CACNA1C: variants seen among roughly 807,000 people sequenced by gnomAD.
CACNA1C encodes the protein calcium voltage-gated channel subunit alpha1 C, also known as voltage-dependent L-type calcium channel subunit alpha-1C.
CACNA1C carries 30 observed loss-of-function variants against 229.0 expected under a neutral mutation model. That is an observed-to-expected ratio of 0.13 (90% CI 0.10 to 0.18). The LOEUF (loss-of-function observed/expected upper bound fraction) is 0.18. Among genes scored for constraint, CACNA1C ranks in the 10% least tolerant of loss-of-function variants. The probability of loss-of-function intolerance (pLI) is 1.00; values close to 1 mark genes in which losing one functional copy is unlikely to be tolerated. For synonymous variants in CACNA1C, 1,114 were observed against 1,132.5 expected, an observed-to-expected ratio of 0.98 and a Z score of 0.33; for missense variants, 1,658 against 2,845.0, an observed-to-expected ratio of 0.58 and a Z score of 9.49.
chr12:2,290,519 A>G (rs1031905311), intron 3 of CACNA1C, among the ~76,000 whole-genome samples: 2 of 152,172 alleles, frequency 1.3e-5, no homozygotes, highest in African/African-American at 4.8e-5. Flanking sequence ...GGAGAAAGAA[A>G]TGATCTGTGA....
intron 3 of CACNA1C, among the ~76,000 whole-genome samples, chr12:2,284,453 G>C (rs2092276877): frequency 6.6e-6 from 1 of 152,212 alleles, no homozygotes; most frequent in African/African-American, 2.4e-5. Context: ...GAGGGGCTGG[G>C]GGAGGAGGGT....
chr12:2,545,707 C>T (rs1228249270), intron 9 of CACNA1C, among the ~76,000 whole-genome samples: 2 of 152,062 alleles, frequency 1.3e-5, no homozygotes, highest in Admixed American at 1.3e-4. Context: ...ATTTCAATAC[C>T]AAATGGCAAA....
At chr12:2,664,019 C>T (rs996027479) in intron 34 of CACNA1C, among the ~76,000 whole-genome samples, 1 of 152,126 alleles carries the variant, frequency 6.6e-6, no homozygotes, top group Non-Finnish European at 1.5e-5. Flanking sequence ...GGATTACAGG[C>T]GTGAGCCACC....
intron 3 of CACNA1C, among the ~76,000 whole-genome samples, chr12:2,305,890 G>A (rs2094968293): frequency 6.6e-6 from 1 of 152,188 alleles, no homozygotes; most frequent in African/African-American, 2.4e-5. Context: ...GTGATATAAG[G>A]TTTGTAATAG....
In CACNA1C at chr12:2,493,282, G is replaced by C. The variant is rs2154571840; in HGVS notation, c.1009G>C (p.Asp337His). ...CGGCACGGTGTGCAAGCCCGGCTGG[G>C]ATGGTCCCAAGCACGGCATCACCAA... ...QNGTVCKPGW[D>H]GPKHGITNFD... Residue 337 changes from aspartate to histidine, a missense_variant, in exon 7 of 47, where the codon GAT becomes CAT. Physicochemically the swap from Asp to His is moderately conservative, Grantham distance 81. Coordinates refer to ENST00000399655, the MANE Select transcript of CACNA1C (RefSeq NM_000719.7). This position sits in a 1 kb window ranked among gnomAD's most constrained non-coding sequence, Gnocchi z 4.6. The C allele has an allele frequency of 6.2e-7, 1 of 1,614,072 alleles. No homozygotes were observed.
chr12:2,107,795 T>G (rs1468077862), intron 1 of CACNA1C, among the ~76,000 whole-genome samples: 2 of 152,244 alleles, frequency 1.3e-5, no homozygotes, highest in East Asian at 3.8e-4. Context: ...CATTCGCTAT[T>G]GCCTTTTTAA....
In CACNA1C at chr12:2,402,943, G is replaced by A. The variant is rs541383066; in HGVS notation, c.478-46033G>A. The stretch of plus-strand genomic sequence containing the variant: ...TCCTACCTATTTGACCCTCTGCTAT[G>A]AGCAAGGTTATTTGCTTTGTTTTGC... On this transcript the variant is annotated intron_variant, in intron 3 of 46. Coordinates refer to ENST00000399655, the MANE Select transcript of CACNA1C (RefSeq NM_000719.7). Among the ~76,000 whole-genome samples, 8 of 152,322 alleles carry A rather than the reference G, an allele frequency of 5.3e-5. No homozygotes were observed. The East Asian group carries it at 1.3e-3, about 26-fold the overall frequency.
intron 3 of CACNA1C, among the ~76,000 whole-genome samples, chr12:2,135,033 C>A (rs2093109448): frequency 1.4e-5 from 2 of 142,946 alleles, no homozygotes; most frequent in Admixed American, 7.1e-5. Flanking sequence ...TCTAAACTTC[C>A]CTTCTCACTT....
chr12:2,375,712 T>G (rs2098034735), intron 3 of CACNA1C, among the ~76,000 whole-genome samples: 1 of 152,234 alleles, frequency 6.6e-6, no homozygotes, highest in African/African-American at 2.4e-5. Flanking sequence ...AGTCCTTGTC[T>G]TAGTATATGT....
At chr12:2,515,390 T>C (rs1326535983) in intron 9 of CACNA1C, among the ~76,000 whole-genome samples, 1 of 152,222 alleles carries the variant, frequency 6.6e-6, no homozygotes, top group Non-Finnish European at 1.5e-5. Flanking sequence ...AGAAACTATC[T>C]TCCTGTCTTG....
chr12:2,580,610 C>T (rs1480004070), intron 13 of CACNA1C, among the ~76,000 whole-genome samples: 1 of 152,186 alleles, frequency 6.6e-6, no homozygotes, highest in African/African-American at 2.4e-5. Flanking sequence ...ACACAGGTGC[C>T]CACCCTGCAT....
At chr12:2,132,373 G>C (rs1596711551) in intron 3 of CACNA1C, among the ~76,000 whole-genome samples, 1 of 23,576 alleles carries the variant, frequency 4.2e-5, no homozygotes, top group African/African-American at 2.7e-4. Flanking sequence ...GGGCATCCCT[G>C]TCTTGTGCCA....
chr12:2,596,217 G>T lies in CACNA1C; in HGVS notation c.2793+214G>T, dbSNP rs571120334. The T allele has an allele frequency of 2.0e-5, 9 of 455,330 alleles. 1 individual carries two copies. Among genetic ancestry groups the T allele is most frequent in the African/African-American group, 1.4e-4 (7 of 49,994 alleles). The allele number at this position is 455,330 out of a possible 1,614,324, so 28.2% of individuals were successfully genotyped here. ...GAGCATGTACCCAAATGCTCAGGCTGGTTTGATAATTGGCAAAGATCAGGA... is the reference window on the plus strand; with the variant it reads ...GAGCATGTACCCAAATGCTCAGGCTTGTTTGATAATTGGCAAAGATCAGGA... On this transcript the variant is annotated intron_variant, in intron 20 of 46. Transcript: ENST00000399655.
chr12:2,292,868 C>T (rs1273245034), intron 3 of CACNA1C, among the ~76,000 whole-genome samples: 1 of 151,954 alleles, frequency 6.6e-6, no homozygotes, highest in Non-Finnish European at 1.5e-5. Flanking sequence ...CACTGGAGTG[C>T]TGGTGGGAGC....
Position 2,677,611 on chromosome 12 carries a change from CG to C in CACNA1C, c.4957-121del. ...CACACACACAAACCTTCCGGAGGGT[CG>C]ACTGGCTGGGTGGAGGATGCCAGGG... On this transcript the variant is annotated intron_variant, in intron 40 of 46. Transcript: ENST00000399655. The surrounding 1 kb of genome is among the most constrained non-coding windows in gnomAD (Gnocchi z 7.4). 1 of 1,135,974 alleles carries C rather than the reference CG, an allele frequency of 8.8e-7. No individual in the cohort carries two copies. The highest frequency in any genetic ancestry group is 1.3e-6 in the Non-Finnish European group (1 of 786,954). 70.4% of individuals were successfully genotyped at this position (1,135,974 alleles called of 1,614,324 possible). A position where few individuals can be genotyped will look rare whatever the true frequency, so the allele number is the denominator to read the frequency against.
chr12:2,005,157 A>G (rs944763205), intron 1 of CACNA1C, among the ~76,000 whole-genome samples: 3 of 150,634 alleles, frequency 2.0e-5, no homozygotes, highest in East Asian at 1.9e-4. Flanking sequence ...AAAAAAAAAA[A>G]AAGAAGAAGG....
chr12:2,309,482 CACACACACAT>C (rs2095299303), intron 3 of CACNA1C, among the ~76,000 whole-genome samples: 1 of 151,528 alleles, frequency 6.6e-6, no homozygotes, highest in African/African-American at 2.4e-5. Context: ...TGACACCACA[CACACACACAT>C]ACACACACAC....
chr12:2,459,100 A>C (rs1333663546), intron 5 of CACNA1C, among the ~76,000 whole-genome samples: 5 of 147,032 alleles, frequency 3.4e-5, no homozygotes, highest in African/African-American at 1.0e-4. Context: ...CTCCTGCCTC[A>C]GCCTCCTGAG....
intron 29 of CACNA1C, among the ~76,000 whole-genome samples, chr12:2,615,882 A>G (rs972378928): frequency 1.3e-5 from 2 of 152,186 alleles, no homozygotes; most frequent in African/African-American, 2.4e-5. Flanking sequence ...TCTCCTCCTC[A>G]GTGGAATGTG....
Sources: gnomAD v4.1 joint callset for allele counts (sites outside exome capture counted in the v4.1 genomes callset) on GRCh38, gnomAD v4.1.1 for gene constraint, Gnocchi (gnomAD v3.1) non-coding constraint, MANE v1.5 for transcripts, NCBI Gene and HGNC (gene_info 2026-07-23, HGNC 2026-07-21) for gene names.